The following CHMP2B variants were observed in gnomAD, a reference collection of about 807,000 sequenced individuals.
The protein encoded by CHMP2B is VPS2 homolog B.
CHMP2B carries 22 observed loss-of-function variants against 29.8 expected under a neutral mutation model. That is an observed-to-expected ratio of 0.74 (90% CI 0.53 to 1.05). CHMP2B has a LOEUF of 1.05. CHMP2B is among the 50% of genes least tolerant of loss of function. The pLI is 0.00. For synonymous variants in CHMP2B, 78 were observed against 75.8 expected (o/e 1.03, Z -0.15); for missense variants, 261 against 252.2 (o/e 1.03, Z -0.24).
At chr3:87,238,232 T>C (rs150678835) in intron 1 of CHMP2B, among the ~76,000 whole-genome samples, 87 of 152,344 alleles carry the variant, frequency 5.7e-4, no homozygotes, top group African/African-American at 2.0e-3. Context: ...GTTAAATTCA[T>C]ATAACATTAA....
intron 4 of CHMP2B, among the ~76,000 whole-genome samples, chr3:87,251,616 A>G (rs978123398): frequency 1.3e-5 from 2 of 151,964 alleles, no homozygotes; most frequent in Admixed American, 1.3e-4. Context: ...AAATACACTA[A>G]CAATATTTTC....
intron 3 of CHMP2B, among the ~76,000 whole-genome samples, chr3:87,248,835 G>A (rs1427520962): frequency 6.6e-6 from 1 of 151,950 alleles, no homozygotes; most frequent in Non-Finnish European, 1.5e-5. Context: ...CATTGAGAAA[G>A]GACTGTTTGC....
intron 1 of CHMP2B, among the ~76,000 whole-genome samples, chr3:87,236,119 T>C (rs1365733449): frequency 6.6e-6 from 1 of 152,124 alleles, no homozygotes; most frequent in African/African-American, 2.4e-5. Context: ...TCTGAATCTC[T>C]TAGGTAAGGT....
chr3:87,229,464 G>C (rs939383134), intron 1 of CHMP2B, among the ~76,000 whole-genome samples: 1 of 151,892 alleles, frequency 6.6e-6, no homozygotes, highest in Admixed American at 6.6e-5. Flanking sequence ...TTATATTATT[G>C]TGTCAATTCC....
At chr3:87,228,078 T>G (rs1429311201) in intron 1 of CHMP2B, among the ~76,000 whole-genome samples, 2 of 152,200 alleles carry the variant, frequency 1.3e-5, no homozygotes, top group African/African-American at 4.8e-5. Flanking sequence ...GCTTTTTTGA[T>G]TAACCCCAGT....
intron 1 of CHMP2B, among the ~76,000 whole-genome samples, chr3:87,230,281 A>G (rs1025253189): frequency 6.6e-6 from 1 of 152,174 alleles, no homozygotes; most frequent in African/African-American, 2.4e-5. Context: ...CTAAGCCAAC[A>G]CTGTGCTAAG....
intron 2 of CHMP2B, among the ~76,000 whole-genome samples, chr3:87,244,322 G>A (rs1452512366): frequency 1.3e-5 from 2 of 151,646 alleles, no homozygotes; most frequent in Non-Finnish European, 2.9e-5. Flanking sequence ...GGGATTACAG[G>A]CGTGAGCCAC....
intron 3 of CHMP2B, 101 bp from the exon 4 acceptor site, chr3:87,249,774 T>C: frequency 1.5e-6 from 1 of 681,604 alleles, no homozygotes; most frequent in East Asian, 2.8e-5. Flanking sequence ...TGGATATCTT[T>C]TTAAAGCCTA....
intron 1 of CHMP2B, among the ~76,000 whole-genome samples, chr3:87,239,563 C>T (rs1483453542): frequency 6.6e-6 from 1 of 152,106 alleles, no homozygotes; most frequent in African/African-American, 2.4e-5. Flanking sequence ...AAAAGTTAGC[C>T]TAGTAAAGTA....
intron 1 of CHMP2B, among the ~76,000 whole-genome samples, chr3:87,228,957 TTC>T (rs1420622673): frequency 6.6e-6 from 1 of 152,180 alleles, no homozygotes; most frequent in Non-Finnish European, 1.5e-5. Flanking sequence ...ACGATTTATT[TTC>T]TTTTTGCTTG....
intron 4 of CHMP2B, 55 bp downstream of exon 4, chr3:87,250,032 A>G (rs1706286901): frequency 1.9e-6 from 2 of 1,058,140 alleles, no homozygotes; most frequent in East Asian, 2.6e-5. Flanking sequence ...TGAATTAGCC[A>G]TTTATTTACT....
At chr3:87,246,645 CAG>C (rs1706218586) in intron 3 of CHMP2B, among the ~76,000 whole-genome samples, 1 of 152,108 alleles carries the variant, frequency 6.6e-6, no homozygotes, top group South Asian at 2.1e-4. Context: ...AAAGATTTAT[CAG>C]AATGTTTGTC....
intron 1 of CHMP2B, among the ~76,000 whole-genome samples, chr3:87,230,618 G>GA (rs1705890019): frequency 6.6e-6 from 1 of 152,124 alleles, no homozygotes; most frequent in African/African-American, 2.4e-5. Flanking sequence ...GGTGGAACTG[G>GA]AAATAACCCA....
At chr3:87,248,297 C>CA (rs926190576) in intron 3 of CHMP2B, among the ~76,000 whole-genome samples, 54 of 147,768 alleles carry the variant, frequency 3.7e-4, no homozygotes, top group African/African-American at 9.4e-4. Flanking sequence ...GAGACTGTCT[C>CA]AAAAAAAAAG....
chr3:87,244,732 A>G (rs1225114630), intron 2 of CHMP2B, among the ~76,000 whole-genome samples: 2 of 152,138 alleles, frequency 1.3e-5, no homozygotes, highest in Non-Finnish European at 2.9e-5. Context: ...TTTCTGATGT[A>G]GAATATGGAA....
rs756914093 is a variant in CHMP2B, at chr3:87,253,362, G to T, written c.425-42G>T. The T allele has an allele frequency of 2.4e-5, 28 of 1,176,332 alleles. No individual in the cohort carries two copies. The South Asian group carries it at 3.1e-4, about 13-fold the overall frequency. 72.9% of individuals were successfully genotyped at this position (1,176,332 alleles called of 1,614,324 possible). On this transcript the variant is annotated intron_variant, in intron 4 of 5. Coordinates refer to ENST00000263780, the MANE Select transcript of CHMP2B (RefSeq NM_014043.4). The stretch of plus-strand genomic sequence containing the variant: ...AATATGTAAGTCTAACCTGAAGTTT[G>T]TTTGAAAGTAACTGCTTTGCTCCTT...
Position 87,253,934 on chromosome 3 carries a change from A to T in CHMP2B, c.*112A>T, listed in dbSNP as rs1044512333. ...TTTTGCAAAAAAAAAAAAAATGAAGACCATGAGTGAACAGTTGTTTCCTAA... is the reference window on the plus strand; with the variant it reads ...TTTTGCAAAAAAAAAAAAAATGAAGTCCATGAGTGAACAGTTGTTTCCTAA... On this transcript the variant is annotated 3_prime_UTR_variant, in exon 6 of 6. Coordinates refer to ENST00000263780, the MANE Select transcript of CHMP2B (RefSeq NM_014043.4). 9.7e-6 allele frequency: 7 copies of T among 719,540 alleles called. No homozygotes were observed. Among genetic ancestry groups the T allele is most frequent in the Non-Finnish European group, 1.7e-5 (7 of 423,356 alleles). The allele number at this position is 719,540 out of a possible 1,614,324, so 44.6% of individuals were successfully genotyped here.
Position 87,253,836 on chromosome 3 carries a change from T to C in CHMP2B, c.*14T>C. The stretch of plus-strand genomic sequence containing the variant: ...GGAGTAGATTAGTCAAAAGAAGTCA[T>C]ACTATTTTGCTTACTTATAATTATG... On this transcript the variant is annotated 3_prime_UTR_variant, in exon 6 of 6. Transcript: ENST00000263780. 15 of 1,570,540 alleles carry C rather than the reference T, an allele frequency of 9.6e-6. No homozygotes were observed. Among genetic ancestry groups the C allele is most frequent in the Non-Finnish European group, 1.1e-5 (12 of 1,141,338 alleles).
At chr3:87,228,289 T>G (rs542542657) in intron 1 of CHMP2B, among the ~76,000 whole-genome samples, 2 of 152,358 alleles carry the variant, frequency 1.3e-5, no homozygotes, top group South Asian at 4.1e-4. Flanking sequence ...TGTAAAGGAA[T>G]GTACAAGTTT....
Sources: gnomAD v4.1 joint callset for allele counts (sites outside exome capture counted in the v4.1 genomes callset) on GRCh38, gnomAD v4.1.1 for gene constraint, MANE v1.5 for transcripts, NCBI Gene and HGNC (gene_info 2026-07-23, HGNC 2026-07-21) for gene names.